OTOF: variants seen among roughly 807,000 people sequenced by gnomAD.
OTOF encodes the protein fer-1-like family member 2.
In OTOF, 218 loss-of-function variants were observed where a neutral mutation model predicts 236.8. The observed-to-expected ratio is 0.92, with a 90% CI of 0.82 to 1.03. The LOEUF is 1.03. Among genes scored for constraint, OTOF ranks in the 50% least tolerant of loss-of-function variants. The pLI, the probability that OTOF is intolerant of heterozygous loss-of-function variation, is 0.00. For missense variants in OTOF, 2,590 were observed against 2,694.4 expected, an observed-to-expected ratio of 0.96 and a Z score of 0.86; for synonymous variants, 1,041 against 1,072.5, an observed-to-expected ratio of 0.97 and a Z score of 0.57.
In OTOF at chr2:26,558,687, C is replaced by A. The variant is rs1558534393; in HGVS notation, c.-116G>T. 2 of 878,506 alleles carry A rather than the reference C, an allele frequency of 2.3e-6. No homozygotes were observed. The highest frequency in any genetic ancestry group is 2.8e-5 in the South Asian group (2 of 71,718). The allele number at this position is 878,506 out of a possible 1,614,324, so 54.4% of individuals were successfully genotyped here. ...CGCTGCCTCCTCCTCCTCCTCCCGA[C>A]CCCCCTCCGATGCTGCCCACAGAGA... On this transcript the variant is annotated 5_prime_UTR_variant, in exon 1 of 47. Coordinates refer to ENST00000272371, the MANE Select transcript of OTOF (RefSeq NM_194248.3).
At chr2:26,500,487 C>G (rs936789337) in intron 8 of OTOF, among the ~76,000 whole-genome samples, 1 of 152,132 alleles carries the variant, frequency 6.6e-6, no homozygotes, top group African/African-American at 2.4e-5. Flanking sequence ...AGCCCTGAGC[C>G]CAATCCCTTG....
Position 26,480,870 on chromosome 2 carries a change from C to T in OTOF, c.1719G>A (p.Leu573=). Residue 573 remains leucine (L), a synonymous_variant, in exon 15 of 47, where the codon CTG becomes CTA. Coordinates refer to ENST00000272371, the MANE Select transcript of OTOF (RefSeq NM_194248.3). ...VSFRARLLLG[L]AVEIVDTSNP... is the part of the protein sequence containing the mutation. ...TGGAGGTGTCTACGATCTCCACAGC[C>T]AGGCCCAGCAGGAGCCGGGCCCGGA... 6.2e-7 allele frequency: 1 copy of T among 1,613,034 alleles called. No individual in the cohort carries two copies. Among genetic ancestry groups the T allele is most frequent in the Non-Finnish European group, 8.5e-7 (1 of 1,180,002 alleles).
chr2:26,475,831 G>T (rs557149675), intron 24 of OTOF, 83 bp downstream of exon 24: 15 of 1,512,484 alleles, frequency 9.9e-6, no homozygotes, highest in Middle Eastern at 3.4e-4. Context: ...AGGCTCACAG[G>T]CCCCACAGGC....
chr2:26,528,117 G>T (rs1475418939), intron 2 of OTOF, among the ~76,000 whole-genome samples, 197 bp from the exon 3 acceptor site: 1 of 152,128 alleles, frequency 6.6e-6, no homozygotes, highest in African/African-American at 2.4e-5. Context: ...CGGCATTGTT[G>T]CCCACTCCTC....
chr2:26,518,732 G>A (rs1216136622), intron 4 of OTOF, among the ~76,000 whole-genome samples: 1 of 152,240 alleles, frequency 6.6e-6, no homozygotes, highest in East Asian at 1.9e-4. Context: ...AGTGACTCCT[G>A]AGCTGGGTCC....
intron 11 of OTOF, among the ~76,000 whole-genome samples, chr2:26,486,349 G>A (rs1274892904): frequency 2.0e-5 from 3 of 150,294 alleles, no homozygotes; most frequent in Non-Finnish European, 4.4e-5. Flanking sequence ...TGGGTGGGTG[G>A]ACCAATGGAT....
rs7575020 is a variant in OTOF, at chr2:26,516,379, T to A, written c.509+39A>T. On this transcript the variant is annotated intron_variant, in intron 5 of 46. Transcript: ENST00000272371. ...AGGCCCCAGGTCTCTTCCCCGTGTCTTGGGAGCAGTGGGCAGCCAGAGGGG... is the reference window on the plus strand; with the variant it reads ...AGGCCCCAGGTCTCTTCCCCGTGTCATGGGAGCAGTGGGCAGCCAGAGGGG... 0.55 allele frequency: 872,873 copies of A among 1,589,998 alleles called. 245,458 individuals carry two copies. The highest frequency in any genetic ancestry group is 0.63 in the Middle Eastern group (3,764 of 5,946).
intron 5 of OTOF, among the ~76,000 whole-genome samples, chr2:26,508,349 T>C (rs4665864): frequency 0.99 from 150,783 of 152,392 alleles, 74,615 homozygotes; most frequent in Middle Eastern, 1. Context: ...TTCATAATTT[T>C]GGTCTTTACA....
intron 5 of OTOF, among the ~76,000 whole-genome samples, chr2:26,512,063 A>G (rs1666405464): frequency 6.6e-6 from 1 of 152,146 alleles, no homozygotes; most frequent in South Asian, 2.1e-4. Flanking sequence ...AAGAATGATC[A>G]ATAAGGAGAA....
rs1666608591 is a variant in OTOF at position 26,519,054 on chromosome 2, C to G, written c.283G>C (p.Glu95Gln). ...TCATCAATCAGCGTGTCAGTCACCT[C>G]CACATGGCTCTCCTCTACCACCTTC... ...LQKVVEESHV[E>Q]VTDTLIDDNN... Residue 95 changes from glutamate (E) to glutamine (Q), a missense_variant, in exon 4 of 47, where the codon GAG becomes CAG. By Grantham distance (29) the Glu-to-Gln change is conservative. This residue lies in a region of OTOF where 1,379 missense variants were observed against 1,341.6 expected (regional missense o/e 1.03). Coordinates refer to ENST00000272371, the MANE Select transcript of OTOF (RefSeq NM_194248.3). The G allele has an allele frequency of 6.2e-7, 1 of 1,610,094 alleles. No homozygotes were observed. Among genetic ancestry groups the G allele is most frequent in the African/African-American group, 1.3e-5 (1 of 74,892 alleles).
At chr2:26,515,685 A>C (rs1360187806) in intron 5 of OTOF, among the ~76,000 whole-genome samples, 2 of 152,100 alleles carry the variant, frequency 1.3e-5, no homozygotes, top group Non-Finnish European at 2.9e-5. Flanking sequence ...CTTCAGATGC[A>C]CCCTTGACTT....
chr2:26,516,200 CATCT>C (rs1666518975), intron 5 of OTOF, among the ~76,000 whole-genome samples: 1 of 152,220 alleles, frequency 6.6e-6, no homozygotes, highest in South Asian at 2.1e-4. Context: ...CTTGCAGCTC[CATCT>C]GAGTCTCCTG....
rs192310078 is a variant in OTOF, at chr2:26,526,609, C to T, written c.227+1223G>A. ...GGTAACACTTAAAGTCCCTTTCCTCCTGGAAACTATAGGGTGGTGCCTACA... is the reference window on the plus strand; with the variant it reads ...GGTAACACTTAAAGTCCCTTTCCTCTTGGAAACTATAGGGTGGTGCCTACA... On this transcript the variant is annotated intron_variant, in intron 3 of 46. Coordinates refer to ENST00000272371, the MANE Select transcript of OTOF (RefSeq NM_194248.3). 8.5e-5 allele frequency among the ~76,000 whole-genome samples: 13 copies of T among 152,324 alleles called. No homozygotes were observed. The South Asian group carries it at 2.7e-3, about 32-fold the overall frequency.
intron 5 of OTOF, among the ~76,000 whole-genome samples, chr2:26,514,052 C>A (rs750217227): frequency 1.3e-5 from 2 of 152,248 alleles, no homozygotes; most frequent in African/African-American, 4.8e-5. Flanking sequence ...CCACCTTCTC[C>A]TCACCAGCAA....
At chr2:26,497,984 C>T (rs1266034092) in intron 8 of OTOF, among the ~76,000 whole-genome samples, 2 of 152,206 alleles carry the variant, frequency 1.3e-5, no homozygotes, top group African/African-American at 4.8e-5. Flanking sequence ...CCCCCACCAA[C>T]AATAAAAAAG....
At chr2:26,489,352 G>T in intron 10 of OTOF, 57 bp from the exon 11 acceptor site, 1 of 1,369,842 alleles carries the variant, frequency 7.3e-7, no homozygotes, top group Non-Finnish European at 1.0e-6. Flanking sequence ...GGCTTTCCAT[G>T]GGGCAGTGGT....
At chr2:26,489,825 G>A (rs976065424) in intron 9 of OTOF, 85 bp from the exon 10 acceptor site, 6 of 1,012,094 alleles carry the variant, frequency 5.9e-6, no homozygotes, top group Admixed American at 1.7e-5. Context: ...TCCTCGCAGG[G>A]CCTGTCTGCA....
intron 5 of OTOF, among the ~76,000 whole-genome samples, chr2:26,514,777 G>A (rs1666479116): frequency 6.6e-6 from 1 of 152,158 alleles, no homozygotes; most frequent in African/African-American, 2.4e-5. Flanking sequence ...TCCTGATTTG[G>A]GGTCAGCATT....
chr2:26,468,885 C>T (rs971441368), intron 32 of OTOF, among the ~76,000 whole-genome samples: 1 of 151,930 alleles, frequency 6.6e-6, no homozygotes, highest in Non-Finnish European at 1.5e-5. Flanking sequence ...GGGAACATCA[C>T]ACACCGGGGC....
Sources: allele counts gnomAD v4.1 joint callset (sites outside exome capture counted in the v4.1 genomes callset), GRCh38; gene constraint gnomAD v4.1.1; regional missense constraint gnomAD v4.1.1; transcripts MANE v1.5; gene names NCBI Gene and HGNC (gene_info 2026-07-23, HGNC 2026-07-21).